PDE8B: variants seen among roughly 807,000 people sequenced by gnomAD.
PDE8B encodes phosphodiesterase 8B.
A neutral mutation model predicts 101.3 loss-of-function variants in PDE8B; 26 were observed. The ratio of observed to expected loss-of-function variants is 0.26; its 90% CI spans 0.19 to 0.36. The LOEUF is 0.36. Ranked by LOEUF, PDE8B falls within the 10% of genes least tolerant of loss-of-function variation. The probability of loss-of-function intolerance (pLI) is 1.00; values close to 1 mark genes in which losing one functional copy is unlikely to be tolerated. For synonymous variants in PDE8B, 424 were observed against 429.3 expected, an observed-to-expected ratio of 0.99 and a Z score of 0.15; for missense variants, 810 against 1,163.1, an observed-to-expected ratio of 0.70 and a Z score of 4.42.
chr5:77,378,048 A>ACACAC (rs1347483439), intron 10 of PDE8B, among the ~76,000 whole-genome samples: 6 of 93,848 alleles, frequency 6.4e-5, no homozygotes, highest in Non-Finnish European at 1.1e-4. Context: ...ACACACACAC[A>ACACAC]CCCCCTGTTG....
At chr5:77,362,202 G>A (rs537412940) in intron 10 of PDE8B, among the ~76,000 whole-genome samples, 1 of 152,322 alleles carries the variant, frequency 6.6e-6, no homozygotes, top group East Asian at 1.9e-4. Context: ...TACAGAAACA[G>A]GTGGCCAGTA....
chr5:77,373,503 C>T (rs1785456055), intron 10 of PDE8B, among the ~76,000 whole-genome samples: 3 of 152,062 alleles, frequency 2.0e-5, no homozygotes, highest in African/African-American at 4.8e-5. Flanking sequence ...CCCTCCTGAC[C>T]CTCCTTGCCC....
intron 6 of PDE8B, among the ~76,000 whole-genome samples, chr5:77,338,022 C>T (rs1232003975): frequency 6.6e-6 from 1 of 152,188 alleles, no homozygotes; most frequent in East Asian, 1.9e-4. Flanking sequence ...TTCCTCTCTT[C>T]TCAGCCAGAG....
At chr5:77,388,298 C>T (rs1459036356) in intron 10 of PDE8B, among the ~76,000 whole-genome samples, 1 of 152,162 alleles carries the variant, frequency 6.6e-6, no homozygotes, top group African/African-American at 2.4e-5. Flanking sequence ...GATGCTATTC[C>T]TGTCTGTTAG....
At chr5:77,204,425 AAG>A in the PDE8B span, among the ~76,000 whole-genome samples, 1 of 152,032 alleles carries the variant, frequency 6.6e-6, no homozygotes, top group East Asian at 1.9e-4. Flanking sequence ...AAAAAAAAAA[AAG>A]TATTCATGTT....
At chr5:77,123,356 T>TCCCCCCCC in the PDE8B span, among the ~76,000 whole-genome samples, 315 of 145,804 alleles carry the variant, frequency 2.2e-3, no homozygotes, top group Non-Finnish European at 3.4e-3. Flanking sequence ...GTTGAATTCC[T>TCCCCCCCC]CCCCCACCGC....
chr5:77,298,859 C>A (rs1186256446), intron 1 of PDE8B, among the ~76,000 whole-genome samples: 2 of 152,196 alleles, frequency 1.3e-5, no homozygotes, highest in Non-Finnish European at 2.9e-5. Flanking sequence ...CCTACCTCCA[C>A]CAGGTAAAGT....
At chr5:77,291,760 A>G (rs2149950684) in intron 1 of PDE8B, 1 of 1,581,870 alleles carries the variant, frequency 6.3e-7, no homozygotes, top group Non-Finnish European at 8.7e-7. Flanking sequence ...ACTATCAACT[A>G]CAGTAAAGAC....
chr5:77,091,011 G>A, the PDE8B span, among the ~76,000 whole-genome samples: 23 of 152,114 alleles, frequency 1.5e-4, no homozygotes, highest in Non-Finnish European at 2.6e-4. Context: ...AATAATGGCT[G>A]CACCAATTGA....
chr5:77,213,962 C>T (rs1368710724), intron 1 of PDE8B: 2 of 152,372 alleles, frequency 1.3e-5, no homozygotes, highest in Non-Finnish European at 2.9e-5. Flanking sequence ...ATATGCAGTA[C>T]AATGATATCA....
the PDE8B span, chr5:77,141,419 A>G: frequency 1.3e-5 from 2 of 152,204 alleles, no homozygotes; most frequent in African/African-American, 4.8e-5. Context: ...GCTTTGGCCT[A>G]TTGCTAAAGG....
At chr5:77,090,165 A>G in the PDE8B span, among the ~76,000 whole-genome samples, 5 of 152,226 alleles carry the variant, frequency 3.3e-5, no homozygotes, top group Admixed American at 2.6e-4. Flanking sequence ...GGTACAAGCA[A>G]ACAGATAAGA....
intron 2 of PDE8B, among the ~76,000 whole-genome samples, chr5:77,324,652 T>A (rs1269980188): frequency 6.6e-6 from 1 of 152,246 alleles, no homozygotes; most frequent in African/African-American, 2.4e-5. Context: ...TGATCATTCT[T>A]TCCAGATTCT....
At chr5:77,252,034 G>T (rs1758165674) in intron 1 of PDE8B, among the ~76,000 whole-genome samples, 1 of 152,204 alleles carries the variant, frequency 6.6e-6, no homozygotes, top group African/African-American at 2.4e-5. Context: ...CGCCTGTGTG[G>T]TTACATGTGC....
At chr5:77,400,609 A>G (rs1195109982) in intron 11 of PDE8B, among the ~76,000 whole-genome samples, 2 of 152,210 alleles carry the variant, frequency 1.3e-5, no homozygotes, top group Non-Finnish European at 2.9e-5. Context: ...CTGGTTGAAT[A>G]TGACACAGGT....
the PDE8B span, among the ~76,000 whole-genome samples, chr5:77,198,438 T>C: frequency 2.0e-5 from 3 of 152,168 alleles, no homozygotes; most frequent in African/African-American, 7.2e-5. Flanking sequence ...AGTATTTCCT[T>C]CTTTCTGAAA....
chr5:77,180,518 C>T, the PDE8B span: 1 of 983,364 alleles, frequency 1.0e-6, no homozygotes, highest in Non-Finnish European at 1.2e-6. Context: ...CCGCGCAGCC[C>T]TCGGCCGCCC....
At chr5:77,156,764 G>T in the PDE8B span, among the ~76,000 whole-genome samples, 1 of 152,044 alleles carries the variant, frequency 6.6e-6, no homozygotes, top group African/African-American at 2.4e-5. Context: ...CTCTTCCTCT[G>T]TTCACCCACT....
chr5:77,104,278 G>T, the PDE8B span, among the ~76,000 whole-genome samples: 2 of 152,200 alleles, frequency 1.3e-5, no homozygotes, highest in Non-Finnish European at 2.9e-5. Context: ...GCTCAGTATA[G>T]TAGATGTTCC....
Sources: allele counts gnomAD v4.1 joint callset (sites outside exome capture counted in the v4.1 genomes callset), GRCh38; gene constraint gnomAD v4.1.1; transcripts MANE v1.5; gene names NCBI Gene and HGNC (gene_info 2026-07-23, HGNC 2026-07-21).